ELSPBP1: variants seen among roughly 807,000 people sequenced by gnomAD.
ELSPBP1 encodes epididymal sperm-binding protein 1.
In ELSPBP1, 38 loss-of-function variants were observed where a neutral mutation model predicts 33.3. That is an observed-to-expected ratio of 1.14 (90% confidence interval 0.88 to 1.50). The LOEUF is 1.50. Ranked by LOEUF, ELSPBP1 falls within the 40% of genes most tolerant of loss-of-function variation. The probability of loss-of-function intolerance (pLI) is 0.00; values close to 1 mark genes in which losing one functional copy is unlikely to be tolerated. For synonymous variants in ELSPBP1, 85 were observed against 94.1 expected (o/e 0.90, Z 0.56); for missense variants, 267 against 263.5 (o/e 1.01, Z -0.09).
chr19:48,010,475 C>T (rs1358927332), intron 2 of ELSPBP1, among the ~76,000 whole-genome samples: 2 of 152,112 alleles, frequency 1.3e-5, no homozygotes, highest in South Asian at 2.1e-4. Flanking sequence ...CAGAAATAAA[C>T]AAAACCTAAA....
intron 1 of ELSPBP1, among the ~76,000 whole-genome samples, chr19:48,004,829 C>T (rs951350500): frequency 5.3e-5 from 8 of 152,248 alleles, no homozygotes; most frequent in African/African-American, 1.7e-4. Context: ...GCATACTCAT[C>T]GTGTAGCCCT....
chr19:48,023,485 A>AGGG (rs1967230873), intron 6 of ELSPBP1, among the ~76,000 whole-genome samples: 1 of 50,324 alleles, frequency 2.0e-5, no homozygotes, highest in Non-Finnish European at 5.8e-5. Context: ...GGAGGAGGGA[A>AGGG]GGGAGGGAGG....
intron 1 of ELSPBP1, among the ~76,000 whole-genome samples, chr19:48,001,296 G>A (rs1446481590): frequency 6.6e-6 from 1 of 151,436 alleles, no homozygotes; most frequent in Admixed American, 6.6e-5. Flanking sequence ...TCAGCCTCCT[G>A]AGTAGCTGGG....
intron 1 of ELSPBP1, 82 bp from the exon 2 acceptor site, chr19:48,008,569 G>C (rs1295171524): frequency 3.3e-6 from 3 of 901,622 alleles, no homozygotes; most frequent in South Asian, 3.0e-5. Context: ...AAGAAAAATG[G>C]CATGTATGAC....
At chr19:48,005,076 C>A (rs529232426) in intron 1 of ELSPBP1, among the ~76,000 whole-genome samples, 1 of 151,934 alleles carries the variant, frequency 6.6e-6, no homozygotes, top group African/African-American at 2.4e-5. Context: ...TGTGGTGATG[C>A]GTGCCTGTAG....
At chr19:48,020,884 C>A (rs751772134) in intron 5 of ELSPBP1, among the ~76,000 whole-genome samples, 1 of 152,186 alleles carries the variant, frequency 6.6e-6, no homozygotes, top group Non-Finnish European at 1.5e-5. Context: ...TGCGCCACTC[C>A]GGGCAAGGGG....
intron 1 of ELSPBP1, among the ~76,000 whole-genome samples, chr19:48,004,469 A>T (rs1488443721): frequency 6.6e-6 from 1 of 152,076 alleles, no homozygotes; most frequent in Non-Finnish European, 1.5e-5. Flanking sequence ...GGCCTTAGCC[A>T]TGCGGGTCCC....
At chr19:48,004,561 C>T (rs1966998676) in intron 1 of ELSPBP1, among the ~76,000 whole-genome samples, 1 of 152,152 alleles carries the variant, frequency 6.6e-6, no homozygotes, top group Non-Finnish European at 1.5e-5. Flanking sequence ...TATCCCCCAC[C>T]CCCATACCTC....
At chr19:48,008,503 G>T in intron 1 of ELSPBP1, 148 bp from the exon 2 acceptor site, 1 of 592,524 alleles carries the variant, frequency 1.7e-6, no homozygotes, top group Non-Finnish European at 3.0e-6. Context: ...CAAAATGCTG[G>T]GATTACAGGT....
chr19:48,000,851 C>T (rs1177682356), intron 1 of ELSPBP1, among the ~76,000 whole-genome samples: 3 of 152,176 alleles, frequency 2.0e-5, no homozygotes, highest in Non-Finnish European at 4.4e-5. Flanking sequence ...TTACAAAGCA[C>T]GTTTTATGTG....
chr19:48,014,079 A>G lies in ELSPBP1; in HGVS notation c.71-92A>G, dbSNP rs891112779. Reference sequence around the variant, plus strand: ...GCGGGGGCAGGGAGGGAACACGGACATTCATATTAAAGCAAGAGCCAAACC... The same window carrying G: ...GCGGGGGCAGGGAGGGAACACGGACGTTCATATTAAAGCAAGAGCCAAACC... On this transcript the variant is annotated intron_variant, in intron 2 of 6. Coordinates refer to ENST00000339841, the MANE Select transcript of ELSPBP1 (RefSeq NM_022142.5). The G allele has an allele frequency of 1.9e-5, 28 of 1,446,168 alleles. No homozygotes were observed. In the African/African-American group the frequency reaches 3.6e-4, roughly 19 times the overall value. 89.6% of individuals were successfully genotyped at this position (1,446,168 alleles called of 1,614,324 possible).
intron 3 of ELSPBP1, 92 bp downstream of exon 3, chr19:48,014,400 T>A: frequency 6.9e-7 from 1 of 1,456,132 alleles, no homozygotes; most frequent in Non-Finnish European, 9.2e-7. Context: ...GATCACATTT[T>A]TGCAGACAAA....
chr19:48,001,636 G>C (rs1966969049), intron 1 of ELSPBP1, among the ~76,000 whole-genome samples: 1 of 150,896 alleles, frequency 6.6e-6, no homozygotes, highest in Admixed American at 6.6e-5. Flanking sequence ...TCAAAACCCT[G>C]GGTGCAAGTG....
chr19:48,019,953 C>T, intron 5 of ELSPBP1, 76 bp downstream of exon 5: 2 of 1,494,050 alleles, frequency 1.3e-6, no homozygotes, highest in Non-Finnish European at 9.0e-7. Flanking sequence ...CTCCTGAAAC[C>T]CCACTGTGAG....
intron 4 of ELSPBP1, among the ~76,000 whole-genome samples, chr19:48,016,630 G>T (rs1454446709): frequency 6.8e-6 from 1 of 147,664 alleles, no homozygotes; most frequent in African/African-American, 2.5e-5. Flanking sequence ...ACAGGGTCTT[G>T]CTCTGTCACT....
At position 48,011,334 on chromosome 19, in the gene ELSPBP1, A is replaced by G. The variant is rs1227122740; in HGVS notation, c.70+2597A>G. On this transcript the variant is annotated intron_variant, in intron 2 of 6. Coordinates refer to ENST00000339841, the MANE Select transcript of ELSPBP1 (RefSeq NM_022142.5). This position sits in a 1 kb window ranked among gnomAD's most constrained non-coding sequence, Gnocchi z 4.5. ...TTGATAATGATGGTGACAATGACTG[A>G]TGATGATGACAATTATGACGATGAT... Among the ~76,000 whole-genome samples, 1 of 151,674 alleles carries G rather than the reference A, an allele frequency of 6.6e-6. No homozygotes were observed.
chr19:47,997,163 G>A (rs1188579811), intron 1 of ELSPBP1, among the ~76,000 whole-genome samples: 5 of 150,890 alleles, frequency 3.3e-5, no homozygotes, highest in Admixed American at 1.3e-4. Flanking sequence ...AAGAGGCCCC[G>A]GCACAGCGCT....
chr19:48,004,697 G>T (rs1053075784), intron 1 of ELSPBP1, among the ~76,000 whole-genome samples: 1 of 152,032 alleles, frequency 6.6e-6, no homozygotes, highest in Non-Finnish European at 1.5e-5. Context: ...CCTGAGACTC[G>T]TCCACAGCAA....
intron 1 of ELSPBP1, among the ~76,000 whole-genome samples, chr19:48,007,987 T>C (rs1034001663): frequency 1.3e-5 from 2 of 152,144 alleles, no homozygotes; most frequent in African/African-American, 4.8e-5. Context: ...CTAAGGACAG[T>C]ACATGACAGT....
Sources: gnomAD v4.1 joint callset for allele counts (sites outside exome capture counted in the v4.1 genomes callset) on GRCh38, gnomAD v4.1.1 for gene constraint, Gnocchi (gnomAD v3.1) non-coding constraint, MANE v1.5 for transcripts, NCBI Gene and HGNC (gene_info 2026-07-23, HGNC 2026-07-21) for gene names.